Variants in PLXDC2 observed in about 807,000 individuals in gnomAD.
The protein encoded by PLXDC2 is plexin domain containing 2, also known as plexin domain-containing protein 2.
PLXDC2 carries 40 observed loss-of-function variants against 68.9 expected under a neutral mutation model. The observed-to-expected ratio is 0.58, with a 90% confidence interval of 0.45 to 0.76. The LOEUF is 0.76. Ranked by LOEUF, PLXDC2 falls within the 30% of genes least tolerant of loss-of-function variation. The probability of loss-of-function intolerance (pLI) is 0.00; values close to 1 mark genes in which losing one functional copy is unlikely to be tolerated. For synonymous variants in PLXDC2, 243 were observed against 234.2 expected, an observed-to-expected ratio of 1.04 and a Z score of -0.34; for missense variants, 644 against 661.9, an observed-to-expected ratio of 0.97 and a Z score of 0.30.
chr10:19,975,140 C>A (rs11011711), intron 1 of PLXDC2, among the ~76,000 whole-genome samples: 24,706 of 152,052 alleles, frequency 0.16, 2,035 homozygotes, highest in East Asian at 0.27. Context: ...TGGTTTTTCA[C>A]CTTTAATAAT....
intron 2 of PLXDC2, among the ~76,000 whole-genome samples, chr10:20,038,928 G>A (rs540054721): frequency 6.6e-6 from 1 of 152,188 alleles, no homozygotes; most frequent in African/African-American, 2.4e-5. Context: ...CATTCCACTG[G>A]TCAGCTCTTT....
intron 4 of PLXDC2, among the ~76,000 whole-genome samples, chr10:20,112,617 A>G (rs953640196): frequency 5.3e-5 from 8 of 152,232 alleles, no homozygotes; most frequent in Non-Finnish European, 1.0e-4. Context: ...ACACACTTCT[A>G]TCACGGTGGA....
At chr10:19,840,382 C>T (rs1038853128) in intron 1 of PLXDC2, among the ~76,000 whole-genome samples, 12 of 152,000 alleles carry the variant, frequency 7.9e-5, no homozygotes, top group African/African-American at 2.9e-4. Context: ...GCTATCTGGT[C>T]CAATCTCTTC....
At chr10:20,171,205 G>GCTT (rs1252704976) in intron 7 of PLXDC2, among the ~76,000 whole-genome samples, 1 of 152,044 alleles carries the variant, frequency 6.6e-6, no homozygotes, top group Non-Finnish European at 1.5e-5. Context: ...AGAACCCAGT[G>GCTT]CAAGCCCTTT....
chr10:20,134,465 G>A (rs1295723003), intron 4 of PLXDC2, among the ~76,000 whole-genome samples: 2 of 152,178 alleles, frequency 1.3e-5, no homozygotes, highest in Admixed American at 6.5e-5. Flanking sequence ...TGGGCAGGCT[G>A]GCTAGATAAG....
chr10:19,930,855 C>T (rs1269432403), intron 1 of PLXDC2, among the ~76,000 whole-genome samples: 2 of 151,770 alleles, frequency 1.3e-5, no homozygotes, highest in African/African-American at 2.4e-5. Flanking sequence ...CCCAGCTACT[C>T]GGGAGGCTGG....
intron 1 of PLXDC2, among the ~76,000 whole-genome samples, chr10:19,870,256 A>G (rs1837510105): frequency 6.6e-6 from 1 of 152,208 alleles, no homozygotes; most frequent in Non-Finnish European, 1.5e-5. Flanking sequence ...GGTCAAATCA[A>G]CTAGGGTAGT....
chr10:19,942,235 G>A (rs1461655938), intron 1 of PLXDC2, among the ~76,000 whole-genome samples: 5 of 152,150 alleles, frequency 3.3e-5, no homozygotes, highest in Non-Finnish European at 1.5e-5. Context: ...TGTCCAGATG[G>A]TAAAAGCTGT....
rs1201964249 is a variant in PLXDC2, at chr10:20,121,078, A to C, written c.542-22217A>C. 7.2e-5 allele frequency among the ~76,000 whole-genome samples: 11 copies of C among 152,212 alleles called. No homozygotes were observed. In the East Asian group the frequency reaches 2.1e-3, roughly 29 times the overall value. On this transcript the variant is annotated intron_variant, in intron 4 of 13. Coordinates refer to ENST00000377252, the MANE Select transcript of PLXDC2 (RefSeq NM_032812.9). ...GAAGTCCGGGCCAGGAACAATGGTA[A>C]TTGTGGAACTTAACAAAGAGTGAGT...
At chr10:19,985,946 A>T (rs1488662835) in intron 1 of PLXDC2, among the ~76,000 whole-genome samples, 2 of 151,570 alleles carry the variant, frequency 1.3e-5, no homozygotes, top group Non-Finnish European at 1.5e-5. Flanking sequence ...TGCTTCCTCC[A>T]CTCCAGTCAC....
chr10:19,934,191 G>A (rs1196122933), intron 1 of PLXDC2, among the ~76,000 whole-genome samples: 1 of 152,054 alleles, frequency 6.6e-6, no homozygotes, highest in Non-Finnish European at 1.5e-5. Flanking sequence ...TTACACAATG[G>A]GTCCTAAAGT....
chr10:20,106,165 G>C (rs932253243), intron 4 of PLXDC2, among the ~76,000 whole-genome samples: 1 of 152,130 alleles, frequency 6.6e-6, no homozygotes, highest in Non-Finnish European at 1.5e-5. Context: ...TGTGTTTTAC[G>C]TTTTGTAAAA....
intron 4 of PLXDC2, among the ~76,000 whole-genome samples, chr10:20,072,203 C>A (rs1479550495): frequency 5.3e-5 from 8 of 150,742 alleles, no homozygotes; most frequent in African/African-American, 2.0e-4. Context: ...AACCCCATCT[C>A]TACTGAAAAA....
intron 12 of PLXDC2, among the ~76,000 whole-genome samples, chr10:20,231,104 A>G (rs145510781): frequency 8.6e-5 from 13 of 151,982 alleles, no homozygotes; most frequent in Middle Eastern, 3.5e-3. Context: ...CACAATGTAT[A>G]TATATAACAA....
chr10:20,220,659 T>G (rs1835197746), intron 12 of PLXDC2, among the ~76,000 whole-genome samples: 1 of 152,094 alleles, frequency 6.6e-6, no homozygotes, highest in Non-Finnish European at 1.5e-5. Context: ...TGATAATTCA[T>G]TCATTCATTG....
chr10:19,988,459 G>A (rs1233054656), intron 1 of PLXDC2, among the ~76,000 whole-genome samples: 1 of 151,676 alleles, frequency 6.6e-6, no homozygotes, highest in Admixed American at 6.6e-5. Context: ...AGAAGTGACT[G>A]AAAATAGATA....
chr10:20,242,834 T>A lies in PLXDC2; in HGVS notation c.1313-2511T>A, dbSNP rs567308028. Among the ~76,000 whole-genome samples, 3 of 152,226 alleles carry A rather than the reference T, an allele frequency of 2.0e-5. No individual in the cohort carries two copies. The East Asian group carries it at 5.8e-4, about 30-fold the overall frequency. On this transcript the variant is annotated intron_variant, in intron 12 of 13. Coordinates refer to ENST00000377252, the MANE Select transcript of PLXDC2 (RefSeq NM_032812.9). ...AAGCAATTCTCCTGTCTCAGCCTCCTGAGTAGCTGCGATTATAGGCGCCCG... is the reference window on the plus strand; with the variant it reads ...AAGCAATTCTCCTGTCTCAGCCTCCAGAGTAGCTGCGATTATAGGCGCCCG...
intron 1 of PLXDC2, among the ~76,000 whole-genome samples, chr10:19,820,843 C>T (rs556172680): frequency 1.3e-5 from 2 of 152,176 alleles, no homozygotes; most frequent in South Asian, 2.1e-4. Context: ...TTTGGGAGGC[C>T]GAGGTGGGCG....
intron 1 of PLXDC2, among the ~76,000 whole-genome samples, chr10:19,950,539 C>A (rs1324462993): frequency 6.6e-6 from 1 of 152,140 alleles, no homozygotes; most frequent in African/African-American, 2.4e-5. Context: ...ACATTACATG[C>A]TCATAGATTT....
Sources: gnomAD v4.1 joint callset for allele counts (sites outside exome capture counted in the v4.1 genomes callset) on GRCh38, gnomAD v4.1.1 for gene constraint, MANE v1.5 for transcripts, NCBI Gene and HGNC (gene_info 2026-07-23, HGNC 2026-07-21) for gene names.